ARHGAP12: variants seen among roughly 807,000 people sequenced by gnomAD.
ARHGAP12 encodes the protein Rho GTPase activating protein 12.
ARHGAP12 carries 64 observed loss-of-function variants against 108.6 expected under a neutral mutation model. The observed-to-expected ratio is 0.59, with a 90% CI of 0.48 to 0.73. ARHGAP12 has a LOEUF of 0.73. Among genes scored for constraint, ARHGAP12 ranks in the 30% least tolerant of loss-of-function variants. The pLI, the probability that ARHGAP12 is intolerant of heterozygous loss-of-function variation, is 0.00. For synonymous variants in ARHGAP12, 312 were observed against 337.2 expected, an observed-to-expected ratio of 0.93 and a Z score of 0.82; for missense variants, 940 against 1,005.9, an observed-to-expected ratio of 0.93 and a Z score of 0.89.
chr10:31,890,226 T>C (rs947353375), intron 3 of ARHGAP12, among the ~76,000 whole-genome samples: 9 of 152,162 alleles, frequency 5.9e-5, no homozygotes, highest in East Asian at 5.8e-4. Flanking sequence ...TAAATCAGTT[T>C]CAACCCAAGT....
chr10:31,884,986 T>C (rs146311566), intron 3 of ARHGAP12, among the ~76,000 whole-genome samples: 7 of 152,286 alleles, frequency 4.6e-5, no homozygotes, highest in Admixed American at 3.9e-4. Flanking sequence ...GGTAGGTGTG[T>C]ATATTTATAG....
At chr10:31,904,788 A>G (rs771886292) in intron 3 of ARHGAP12, among the ~76,000 whole-genome samples, 1 of 151,610 alleles carries the variant, frequency 6.6e-6, no homozygotes, top group Non-Finnish European at 1.5e-5. Context: ...CACTACACCC[A>G]TCTAATTTTT....
intron 7 of ARHGAP12, among the ~76,000 whole-genome samples, chr10:31,840,506 T>G (rs1836220764): frequency 6.6e-6 from 1 of 152,126 alleles, no homozygotes; most frequent in Non-Finnish European, 1.5e-5. Flanking sequence ...CTCCATTTCC[T>G]TAGATGTTTT....
chr10:31,887,187 G>A (rs11008681), intron 3 of ARHGAP12, among the ~76,000 whole-genome samples: 7,778 of 152,216 alleles, frequency 0.051, 656 homozygotes, highest in African/African-American at 0.18. Context: ...GGGAAGTGTT[G>A]CAGTTTGAGT....
chr10:31,837,177 G>T (rs1016463946), intron 9 of ARHGAP12, among the ~76,000 whole-genome samples: 1 of 152,204 alleles, frequency 6.6e-6, no homozygotes, highest in South Asian at 2.1e-4. Context: ...ATGTATAAAA[G>T]ATCTTTGTGG....
At chr10:31,918,315 T>TCA (rs58245483) in intron 1 of ARHGAP12, among the ~76,000 whole-genome samples, 14,977 of 139,800 alleles carry the variant, frequency 0.11, 898 homozygotes, top group East Asian at 0.24. Context: ...ATTAGGGAAA[T>TCA]CACACACACA....
chr10:31,839,543 G>T, intron 8 of ARHGAP12, 94 bp downstream of exon 8: 1 of 1,217,866 alleles, frequency 8.2e-7, no homozygotes, highest in Non-Finnish European at 1.1e-6. Flanking sequence ...TTTAATAGAA[G>T]CTCATTTAAA....
At chr10:31,808,808 A>G in intron 18 of ARHGAP12, 57 bp from the exon 19 acceptor site, 2 of 1,559,430 alleles carry the variant, frequency 1.3e-6, no homozygotes, top group Non-Finnish European at 1.8e-6. Flanking sequence ...ACTGAAAGCA[A>G]TGTCACAGTT....
At position 31,809,194 on chromosome 10, in the gene ARHGAP12, G is replaced by T; in HGVS notation, c.2128+36C>A. On this transcript the variant is annotated intron_variant, in intron 17 of 19. Transcript: ENST00000344936. ...TAAGCCAGTTCAAAAAGTTATGAGT[G>T]ATGCATCTGAATAACAACAGTAAAT... 3.7e-6 allele frequency: 6 copies of T among 1,612,684 alleles called. No homozygotes were observed. The Middle Eastern group carries it at 5.0e-4, about 133-fold the overall frequency.
At position 31,887,013 on chromosome 10, in the gene ARHGAP12, A is replaced by G. The variant is rs1016886587; in HGVS notation, c.684+21159T>C. ...TATTAGTCAAGAGTTCTCCAGTGAA[A>G]CAGATCCAGCAGGATCCACAGGATG... On this transcript the variant is annotated intron_variant, in intron 3 of 19. Transcript: ENST00000344936. Among the ~76,000 whole-genome samples the G allele has an allele frequency of 3.3e-5, 5 of 152,364 alleles. No individual in the cohort carries two copies. In the South Asian group the frequency reaches 1.0e-3, roughly 32 times the overall value.
chr10:31,887,301 G>A (rs899358874), intron 3 of ARHGAP12, among the ~76,000 whole-genome samples: 2 of 152,060 alleles, frequency 1.3e-5, no homozygotes, highest in South Asian at 2.1e-4. Flanking sequence ...ACATTACAGA[G>A]GGTAATCTGC....
chr10:31,906,610 A>T (rs2132450303), intron 3 of ARHGAP12, among the ~76,000 whole-genome samples: 1 of 152,324 alleles, frequency 6.6e-6, no homozygotes, highest in East Asian at 1.9e-4. Context: ...CAGAGAACTG[A>T]GTAAAATGAA....
At chr10:31,893,649 C>T (rs1470298581) in intron 3 of ARHGAP12, among the ~76,000 whole-genome samples, 1 of 152,158 alleles carries the variant, frequency 6.6e-6, no homozygotes, top group Non-Finnish European at 1.5e-5. Flanking sequence ...GGATTCACAG[C>T]CAAATTCTGC....
chr10:31,832,833 T>C (rs1285561326), intron 9 of ARHGAP12, among the ~76,000 whole-genome samples: 1 of 152,210 alleles, frequency 6.6e-6, no homozygotes, highest in African/African-American at 2.4e-5. Flanking sequence ...TCTGGTCTGA[T>C]AAAAACTGAC....
chr10:31,826,531 T>C, intron 10 of ARHGAP12, 146 bp from the exon 11 acceptor site: 1 of 612,040 alleles, frequency 1.6e-6, no homozygotes, highest in Non-Finnish European at 2.8e-6. Context: ...TGGGGATAGA[T>C]ACTAATGCAA....
chr10:31,855,023 G>A (rs1292240427), intron 4 of ARHGAP12, among the ~76,000 whole-genome samples: 1 of 123,548 alleles, frequency 8.1e-6, no homozygotes, highest in Non-Finnish European at 1.7e-5. Flanking sequence ...AGGAGGATGG[G>A]GAGGAGGAGG....
At chr10:31,911,267 G>A (rs373372563) in intron 1 of ARHGAP12, among the ~76,000 whole-genome samples, 3 of 151,962 alleles carry the variant, frequency 2.0e-5, no homozygotes, top group East Asian at 3.9e-4. Context: ...CAGGTGATCC[G>A]CCTGCCTCAG....
intron 18 of ARHGAP12, 29 bp downstream of exon 18, chr10:31,808,965 G>GA (rs1272647418): frequency 6.5e-7 from 1 of 1,538,848 alleles, no homozygotes; most frequent in African/African-American, 1.4e-5. Flanking sequence ...TCAATATCTA[G>GA]AAAAAACTGA....
chr10:31,830,906 G>T (rs866306735), intron 10 of ARHGAP12, among the ~76,000 whole-genome samples: 11 of 152,174 alleles, frequency 7.2e-5, no homozygotes, highest in African/African-American at 2.7e-4. Context: ...CTAAACTGGC[G>T]AAAGGTGTGC....
Sources: allele counts gnomAD v4.1 joint callset (sites outside exome capture counted in the v4.1 genomes callset), GRCh38; gene constraint gnomAD v4.1.1; transcripts MANE v1.5; gene names NCBI Gene and HGNC (gene_info 2026-07-23, HGNC 2026-07-21).